The following SLC8A2 variants were observed in gnomAD, a reference collection of about 807,000 sequenced individuals.
The protein encoded by SLC8A2 is solute carrier family 8 member A2.
In SLC8A2, 14 loss-of-function variants were observed where a neutral mutation model predicts 70.2. The ratio of observed to expected loss-of-function variants is 0.20; its 90% CI spans 0.13 to 0.31. SLC8A2 has a LOEUF of 0.31. Ranked by LOEUF, SLC8A2 falls within the 10% of genes least tolerant of loss-of-function variation. The probability of loss-of-function intolerance (pLI) is 1.00; values close to 1 mark genes in which losing one functional copy is unlikely to be tolerated. For synonymous variants in SLC8A2, 575 were observed against 594.3 expected (o/e 0.97, Z 0.47); for missense variants, 779 against 1,320.1 (o/e 0.59, Z 6.35).
Position 47,430,461 on chromosome 19 carries a change from C to T in SLC8A2, c.2394G>A (p.Thr798=), listed in dbSNP as rs1160159465. The T allele has an allele frequency of 1.9e-6, 3 of 1,600,210 alleles. No individual in the cohort carries two copies. The highest frequency in any genetic ancestry group is 1.1e-5 in the South Asian group (1 of 90,016). ...FVALGTSIPD[T]FASKVAALQD... ...GCAGCGCCGCCACCTTGCTGGCGAA[C>T]GTGTCTGCGAGGCAGAGACATACAG... Residue 798 remains threonine (T), a synonymous_variant, in exon 10 of 10, where the codon ACG becomes ACA. Transcript: ENST00000236877. This position sits in a 1 kb window ranked among gnomAD's most constrained non-coding sequence, Gnocchi z 5.9.
At chr19:47,458,088 G>C (rs1267467436) in intron 2 of SLC8A2, among the ~76,000 whole-genome samples, 2 of 152,000 alleles carry the variant, frequency 1.3e-5, no homozygotes, top group African/African-American at 2.4e-5. Flanking sequence ...TCCTGACCTT[G>C]TGATCCTCCC....
At position 47,447,784 on chromosome 19, in the gene SLC8A2, T is replaced by C; in HGVS notation, c.1763+25A>G. On this transcript the variant is annotated intron_variant, in intron 4 of 9. Coordinates refer to ENST00000236877, the MANE Select transcript of SLC8A2 (RefSeq NM_015063.3). The surrounding 1 kb of genome is among the most constrained non-coding windows in gnomAD (Gnocchi z 5.1). ...CGCCCATTCCGAAGCCCCGCCCCTCTCCGGGCCGCCTCGGGCGTGCTCACA... is the reference window on the plus strand; with the variant it reads ...CGCCCATTCCGAAGCCCCGCCCCTCCCCGGGCCGCCTCGGGCGTGCTCACA... 1 of 1,561,746 alleles carries C rather than the reference T, an allele frequency of 6.4e-7. No individual in the cohort carries two copies. Among genetic ancestry groups the C allele is most frequent in the Admixed American group, 1.8e-5 (1 of 54,280 alleles).
chr19:47,451,285 G>C (rs1374811782), intron 3 of SLC8A2, among the ~76,000 whole-genome samples: 1 of 151,968 alleles, frequency 6.6e-6, no homozygotes, highest in Non-Finnish European at 1.5e-5. Context: ...TGGGATTACA[G>C]GCATAAGCCA....
At position 47,432,540 on chromosome 19, in the gene SLC8A2, T is replaced by C. The variant is rs954581517; in HGVS notation, c.2111-95A>G. ...TCTAACTTCCTGACAGCAAGTCCCA[T>C]TGAATGAACTTCTTTCCCAGAATCC... is the stretch of plus-strand genomic sequence containing the variant. On this transcript the variant is annotated intron_variant, in intron 8 of 9. Transcript: ENST00000236877. The surrounding 1 kb of genome is among the most constrained non-coding windows in gnomAD (Gnocchi z 6.2). The C allele has an allele frequency of 3.5e-5, 44 of 1,244,184 alleles. No homozygotes were observed. In the East Asian group the frequency reaches 9.0e-4, roughly 25 times the overall value. 77.1% of individuals were successfully genotyped at this position (1,244,184 alleles called of 1,614,324 possible).
chr19:47,438,819 T>C (rs1042284477), intron 6 of SLC8A2, among the ~76,000 whole-genome samples: 1 of 152,010 alleles, frequency 6.6e-6, no homozygotes, highest in Admixed American at 6.6e-5. Flanking sequence ...CCACACTCTA[T>C]CTCCAGATCT....
intron 4 of SLC8A2, among the ~76,000 whole-genome samples, chr19:47,444,476 C>A (rs1401035891): frequency 6.6e-6 from 1 of 152,140 alleles, no homozygotes; most frequent in African/African-American, 2.4e-5. Context: ...CCGACCTCGG[C>A]GTGGGCTGTG....
chr19:47,450,817 T>G (rs1187635158), intron 3 of SLC8A2, among the ~76,000 whole-genome samples: 1 of 152,030 alleles, frequency 6.6e-6, no homozygotes, highest in Non-Finnish European at 1.5e-5. Context: ...AATGGGCTAA[T>G]AATAGTGTTT....
chr19:47,430,074 T>A lies in SLC8A2; in HGVS notation c.*15A>T, dbSNP rs1966932800. The A allele has an allele frequency of 1.3e-6, 2 of 1,570,738 alleles. No individual in the cohort carries two copies. The highest frequency in any genetic ancestry group is 2.7e-5 in the African/African-American group (2 of 73,678). On this transcript the variant is annotated 3_prime_UTR_variant, in exon 10 of 10. Coordinates refer to ENST00000236877, the MANE Select transcript of SLC8A2 (RefSeq NM_015063.3). This position sits in a 1 kb window ranked among gnomAD's most constrained non-coding sequence, Gnocchi z 5.9. ...GCCCCGGGCGGGCGGTGGGGACGAG[T>A]CTCTGCGCGAGGCCCTAGAAGCCCC... is the stretch of plus-strand genomic sequence containing the variant.
At chr19:47,439,658 T>C (rs940444686) in intron 6 of SLC8A2, among the ~76,000 whole-genome samples, 7 of 110,970 alleles carry the variant, frequency 6.3e-5, no homozygotes, top group African/African-American at 1.1e-4. Flanking sequence ...TCCCTCCCTC[T>C]CTCTCTCTCT....
At chr19:47,470,755 GTCTCA>G (rs2122659188) in intron 1 of SLC8A2, among the ~76,000 whole-genome samples, 1 of 152,320 alleles carries the variant, frequency 6.6e-6, no homozygotes, top group African/African-American at 2.4e-5. Flanking sequence ...GGGAGGTCTG[GTCTCA>G]TCTCTACTAC....
intron 1 of SLC8A2, among the ~76,000 whole-genome samples, chr19:47,470,764 C>G (rs889727899): frequency 6.6e-6 from 1 of 152,184 alleles, no homozygotes; most frequent in Non-Finnish European, 1.5e-5. Flanking sequence ...GGTCTCATCT[C>G]TACTACAGAG....
rs116470955 is a variant in SLC8A2, at chr19:47,469,049, G to C, written c.-16-2630C>G. On this transcript the variant is annotated intron_variant, in intron 1 of 9. Coordinates refer to ENST00000236877, the MANE Select transcript of SLC8A2 (RefSeq NM_015063.3). Reference sequence around the variant, plus strand: ...CCATGGGCTGGGAGCTGGCTCCTCTGGGGGAGGGAGGCAGCGTGTTGGCAG... The same window carrying C: ...CCATGGGCTGGGAGCTGGCTCCTCTCGGGGAGGGAGGCAGCGTGTTGGCAG... Among the ~76,000 whole-genome samples, 471 of 152,218 alleles carry C rather than the reference G, an allele frequency of 3.1e-3. 5 individuals are homozygous for C. The highest frequency in any genetic ancestry group is 0.011 in the African/African-American group (453 of 41,522).
At position 47,457,392 on chromosome 19, in the gene SLC8A2, C is replaced by T; in HGVS notation, c.878G>A (p.Gly293Asp). ...GCCCGGGCCCAGGCCGCCCAGCTCA[C>T]CTGGGGCCTCGGCGCCCACGAACGT... is the stretch of plus-strand genomic sequence containing the variant. ...DGTFVGAEAP[G>D]ELGGLGPGPA... is the part of the protein sequence containing the mutation. Residue 293 changes from glycine (G) to aspartate (D), a missense_variant, in exon 3 of 10, where the codon GGT (glycine) becomes GAT (aspartate). This residue lies in a region of SLC8A2 where 186 missense variants were observed against 246.6 expected (regional missense o/e 0.75). Transcript: ENST00000236877. The T allele has an allele frequency of 1.3e-6, 2 of 1,560,626 alleles. No homozygotes were observed. Among genetic ancestry groups the T allele is most frequent in the Non-Finnish European group, 1.7e-6 (2 of 1,154,878 alleles).
intron 4 of SLC8A2, among the ~76,000 whole-genome samples, chr19:47,445,421 TC>T (rs1967149175): frequency 6.6e-6 from 1 of 152,116 alleles, no homozygotes; most frequent in African/African-American, 2.4e-5. Flanking sequence ...TAAGTTCCTG[TC>T]TTTCTGTGTC....
intron 6 of SLC8A2, among the ~76,000 whole-genome samples, chr19:47,439,728 A>G (rs1454451560): frequency 6.7e-6 from 1 of 149,906 alleles, no homozygotes; most frequent in Non-Finnish European, 1.5e-5. Flanking sequence ...CAGTGGCACG[A>G]TCTCGGCTCA....
At chr19:47,462,988 T>C (rs1251324156) in intron 2 of SLC8A2, among the ~76,000 whole-genome samples, 19 of 152,188 alleles carry the variant, frequency 1.2e-4, no homozygotes, top group Non-Finnish European at 2.9e-5. Context: ...CCTAGACTTC[T>C]TGCATGCAAT....
chr19:47,430,481 A>G lies in SLC8A2; in HGVS notation c.2390-16T>C, dbSNP rs921028760. 1.3e-6 allele frequency: 2 copies of G among 1,584,056 alleles called. No individual in the cohort carries two copies. The highest frequency in any genetic ancestry group is 1.7e-6 in the Non-Finnish European group (2 of 1,167,920). On this transcript the variant is annotated splice_polypyrimidine_tract_variant and intron_variant, in intron 9 of 9. Transcript: ENST00000236877. This position sits in a 1 kb window ranked among gnomAD's most constrained non-coding sequence, Gnocchi z 5.9. The stretch of plus-strand genomic sequence containing the variant: ...GCGAACGTGTCTGCGAGGCAGAGAC[A>G]TACAGGTCGGAGGGGCTTTGCGCCG...
intron 3 of SLC8A2, among the ~76,000 whole-genome samples, chr19:47,455,800 G>C (rs1052062589): frequency 1.4e-4 from 22 of 152,202 alleles, no homozygotes; most frequent in African/African-American, 5.3e-4. Flanking sequence ...CTGGCACACA[G>C]TAGGTGCTCA....
In SLC8A2 at chr19:47,432,699, A is replaced by G. The variant is rs1329732632; in HGVS notation, c.2111-254T>C. 3 of 429,830 alleles carry G rather than the reference A, an allele frequency of 7.0e-6. No individual in the cohort carries two copies. The highest frequency in any genetic ancestry group is 1.2e-5 in the Non-Finnish European group (3 of 244,396). 26.6% of individuals were successfully genotyped at this position (429,830 alleles called of 1,614,324 possible). A position where few individuals can be genotyped will look rare whatever the true frequency, so the allele number is the denominator to read the frequency against. ...AATCCTTTGGATCTAAATATGGCTA[A>G]GTCAGCAGTAAAAACAGTTACTTCC... On this transcript the variant is annotated intron_variant, in intron 8 of 9. Coordinates refer to ENST00000236877, the MANE Select transcript of SLC8A2 (RefSeq NM_015063.3). This position sits in a 1 kb window ranked among gnomAD's most constrained non-coding sequence, Gnocchi z 6.2.
Sources: allele counts gnomAD v4.1 joint callset (sites outside exome capture counted in the v4.1 genomes callset), GRCh38; gene constraint gnomAD v4.1.1; regional missense constraint gnomAD v4.1.1; non-coding constraint Gnocchi (gnomAD v3.1); transcripts MANE v1.5; gene names NCBI Gene and HGNC (gene_info 2026-07-23, HGNC 2026-07-21).